KCTD16: variants seen among roughly 807,000 people sequenced by gnomAD.
KCTD16 encodes potassium channel tetramerization domain containing 16.
A neutral mutation model predicts 33.2 loss-of-function variants in KCTD16; 13 were observed. The observed-to-expected ratio is 0.39, with a 90% CI of 0.25 to 0.62. KCTD16 has a LOEUF of 0.62. KCTD16 is among the 20% of genes least tolerant of loss of function. KCTD16 has a pLI of 0.50. For synonymous variants in KCTD16, 197 were observed against 195.3 expected (o/e 1.01, Z -0.07); for missense variants, 441 against 525.1 (o/e 0.84, Z 1.57).
rs887837527 is a variant in KCTD16, at chr5:144,484,093, C to G, written c.*9979C>G. The stretch of plus-strand genomic sequence containing the variant: ...TTAATTCCAAAGGAGAAAGTTGAAT[C>G]AGGAAAATTTGTCTTAAAATATACT... On this transcript the variant is annotated 3_prime_UTR_variant, in exon 4 of 4. Transcript: ENST00000512467. 19 of 151,766 alleles carry G rather than the reference C, an allele frequency of 1.3e-4. No homozygotes were observed. Among genetic ancestry groups the G allele is most frequent in the African/African-American group, 3.9e-4 (16 of 41,336 alleles). 9.4% of individuals were successfully genotyped at this position (151,766 alleles called of 1,614,324 possible). A position where few individuals can be genotyped will look rare whatever the true frequency, so the allele number is the denominator to read the frequency against.
intron 3 of KCTD16, among the ~76,000 whole-genome samples, chr5:144,352,101 G>GTA (rs1218747101): frequency 2.0e-5 from 3 of 152,128 alleles, no homozygotes; most frequent in Non-Finnish European, 4.4e-5. Context: ...ATCTCACAAT[G>GTA]TATACATCTA....
chr5:144,234,277 G>A (rs543900805), intron 3 of KCTD16, among the ~76,000 whole-genome samples: 14 of 152,174 alleles, frequency 9.2e-5, no homozygotes, highest in South Asian at 8.3e-4. Context: ...CTCTCCAAGC[G>A]TGGTGCTCCC....
chr5:144,369,714 A>G (rs1019579232), intron 3 of KCTD16, among the ~76,000 whole-genome samples: 1 of 152,178 alleles, frequency 6.6e-6, no homozygotes, highest in Non-Finnish European at 1.5e-5. Context: ...CATTCAATCT[A>G]AATCTAATCT....
intron 3 of KCTD16, among the ~76,000 whole-genome samples, chr5:144,387,598 T>C (rs1752352983): frequency 6.6e-6 from 1 of 152,178 alleles, no homozygotes; most frequent in African/African-American, 2.4e-5. Flanking sequence ...TTAACCACCC[T>C]CTAAGTGTTG....
rs191285336 is a variant in KCTD16 at position 144,433,485 on chromosome 5, A to G, written c.833-40175A>G. The stretch of plus-strand genomic sequence containing the variant: ...CTGTAACTCTAGATTTTCATATAAC[A>G]TCTGATTTTTTTAAAATGACCAATT... On this transcript the variant is annotated intron_variant, in intron 3 of 3. Transcript: ENST00000512467. Among the ~76,000 whole-genome samples the G allele has an allele frequency of 3.8e-3, 586 of 152,236 alleles. 1 individual carries two copies. Among genetic ancestry groups the G allele is most frequent in the African/African-American group, 0.013 (544 of 41,568 alleles).
intron 3 of KCTD16, among the ~76,000 whole-genome samples, chr5:144,465,807 G>T (rs1754318582): frequency 8.3e-6 from 1 of 120,420 alleles, no homozygotes; most frequent in Non-Finnish European, 1.7e-5. Flanking sequence ...TTTTTGCCAG[G>T]AGGATTAATA....
chr5:144,201,219 T>G (rs7730526), intron 2 of KCTD16, among the ~76,000 whole-genome samples: 149,735 of 152,286 alleles, frequency 0.98, 73,628 homozygotes, highest in East Asian at 1. Context: ...AAATGAAAGG[T>G]TACCAGGGAA....
intron 3 of KCTD16, among the ~76,000 whole-genome samples, chr5:144,449,877 T>G (rs1457173397): frequency 6.6e-6 from 1 of 151,958 alleles, no homozygotes; most frequent in Admixed American, 6.6e-5. Flanking sequence ...AGTTTCTTGA[T>G]GTTGGTCTTG....
intron 3 of KCTD16, among the ~76,000 whole-genome samples, chr5:144,365,547 C>T (rs1751814221): frequency 6.6e-6 from 1 of 152,162 alleles, no homozygotes; most frequent in Admixed American, 6.6e-5. Context: ...CATGCATCTT[C>T]AGGAACAAAA....
Position 144,441,579 on chromosome 5 carries a change from A to G in KCTD16, c.833-32081A>G, listed in dbSNP as rs151175182. ...CCCAGCACAATCTGTTGAAAATACTATTCTTTTCTTATTGAGTTATCTTAG... is the reference window on the plus strand; with the variant it reads ...CCCAGCACAATCTGTTGAAAATACTGTTCTTTTCTTATTGAGTTATCTTAG... On this transcript the variant is annotated intron_variant, in intron 3 of 3. Coordinates refer to ENST00000512467, the MANE Select transcript of KCTD16 (RefSeq NM_020768.4). 3.8e-3 allele frequency among the ~76,000 whole-genome samples: 583 copies of G among 152,150 alleles called. 1 individual carries two copies. Among genetic ancestry groups the G allele is most frequent in the Middle Eastern group, 0.024 (7 of 294 alleles).
chr5:144,179,948 C>T (rs1321196132), intron 2 of KCTD16, among the ~76,000 whole-genome samples: 7 of 152,192 alleles, frequency 4.6e-5, no homozygotes, highest in African/African-American at 1.7e-4. Context: ...GTTCTACTCG[C>T]CCATTTTCCC....
At chr5:144,247,079 G>A (rs1380734302) in intron 3 of KCTD16, among the ~76,000 whole-genome samples, 1 of 152,174 alleles carries the variant, frequency 6.6e-6, no homozygotes, top group Non-Finnish European at 1.5e-5. Flanking sequence ...TCTAGTTTCT[G>A]TGGGATTATG....
intron 3 of KCTD16, among the ~76,000 whole-genome samples, chr5:144,351,067 T>C (rs536171152): frequency 5.3e-5 from 8 of 152,346 alleles, no homozygotes; most frequent in African/African-American, 1.7e-4. Context: ...TTCAGTTGTA[T>C]GTATGTATCT....
Position 144,482,450 on chromosome 5 carries a change from T to G in KCTD16, c.*8336T>G, listed in dbSNP as rs909820424. The G allele has an allele frequency of 1.3e-5, 2 of 151,910 alleles. No individual in the cohort carries two copies. Among genetic ancestry groups the G allele is most frequent in the African/African-American group, 4.8e-5 (2 of 41,396 alleles). 9.4% of individuals were successfully genotyped at this position (151,910 alleles called of 1,614,324 possible). A position where few individuals can be genotyped will look rare whatever the true frequency, so the allele number is the denominator to read the frequency against. On this transcript the variant is annotated 3_prime_UTR_variant, in exon 4 of 4. Transcript: ENST00000512467. ...CTGCACACAGGTCACTAGGGCAAGCTTCAGGAGAAGTAAAATAGGTGTATG... is the reference window on the plus strand; with the variant it reads ...CTGCACACAGGTCACTAGGGCAAGCGTCAGGAGAAGTAAAATAGGTGTATG...
chr5:144,408,638 A>G (rs914192557), intron 3 of KCTD16, among the ~76,000 whole-genome samples: 2 of 152,214 alleles, frequency 1.3e-5, no homozygotes, highest in Non-Finnish European at 2.9e-5. Flanking sequence ...GTAGAGGTAT[A>G]TCAATTATAT....
At chr5:144,404,438 A>G (rs1011001678) in intron 3 of KCTD16, among the ~76,000 whole-genome samples, 23 of 152,108 alleles carry the variant, frequency 1.5e-4, no homozygotes, top group Non-Finnish European at 2.8e-4. Flanking sequence ...CTCCCTGTTA[A>G]TTTGAGAAAG....
intron 3 of KCTD16, among the ~76,000 whole-genome samples, chr5:144,292,309 T>C (rs1337149898): frequency 6.6e-6 from 1 of 152,178 alleles, no homozygotes; most frequent in Non-Finnish European, 1.5e-5. Flanking sequence ...CCCAGGATAC[T>C]ATTGAGCAGA....
rs552707406 is a variant in KCTD16, at chr5:144,271,308, G to T, written c.832+63762G>T. On this transcript the variant is annotated intron_variant, in intron 3 of 3. Transcript: ENST00000512467. ...ATTTGGGATTATTTTAAAAGACTTT[G>T]ATCAAGTATGATTTATTTTTGGAAT... Among the ~76,000 whole-genome samples the T allele has an allele frequency of 1.9e-3, 287 of 151,980 alleles. 2 individuals carry two copies. The highest frequency in any genetic ancestry group is 3.2e-3 in the Admixed American group (49 of 15,260).
chr5:144,436,885 C>T (rs114353564), intron 3 of KCTD16, among the ~76,000 whole-genome samples: 33 of 152,040 alleles, frequency 2.2e-4, no homozygotes, highest in African/African-American at 7.2e-4. Flanking sequence ...CAGGCCCGGC[C>T]GAAGCAAAAG....
Sources: allele counts gnomAD v4.1 joint callset (sites outside exome capture counted in the v4.1 genomes callset), GRCh38; gene constraint gnomAD v4.1.1; transcripts MANE v1.5; gene names NCBI Gene and HGNC (gene_info 2026-07-23, HGNC 2026-07-21).